The following EPB41L2 variants were observed in gnomAD, a reference collection of about 807,000 sequenced individuals.
EPB41L2 encodes the protein erythrocyte membrane protein band 4.1 like 2, also known as band 4.1-like protein 2.
Under a neutral mutation model 113.0 loss-of-function variants are expected in EPB41L2, and 43 were observed. That is an observed-to-expected ratio of 0.38 (90% CI 0.30 to 0.49). The LOEUF is 0.49. Ranked by LOEUF, EPB41L2 falls within the 20% of genes least tolerant of loss-of-function variation. The pLI is 0.95. For synonymous variants in EPB41L2, 442 were observed against 436.7 expected, an observed-to-expected ratio of 1.01 and a Z score of -0.15; for missense variants, 1,147 against 1,223.4, an observed-to-expected ratio of 0.94 and a Z score of 0.93.
intron 1 of EPB41L2, among the ~76,000 whole-genome samples, chr6:131,012,654 GA>G (rs1250704620): frequency 1.3e-5 from 2 of 150,868 alleles, no homozygotes; most frequent in African/African-American, 4.9e-5. Flanking sequence ...ATAGAAGAGG[GA>G]AAAAAAATGA....
Position 130,956,453 on chromosome 6 carries a change from C to T in EPB41L2, c.33G>A (p.Val11=), listed in dbSNP as rs1817463265. The change falls in exon 2 of 20, where the codon GTG becomes GTA. Residue 11 remains valine, a synonymous_variant. Coordinates refer to ENST00000337057, the MANE Select transcript of EPB41L2 (RefSeq NM_001431.4). MTTEVGSVSE[V]KKDSSQLGTD... is the part of the protein sequence containing the mutation. The stretch of plus-strand genomic sequence containing the variant: ...TTCCTAACTGGCTAGAGTCCTTCTT[C>T]ACTTCAGACACAGAGCCTACTTCAG... 3.7e-6 allele frequency: 6 copies of T among 1,613,838 alleles called. No homozygotes were observed. The East Asian group carries it at 1.3e-4, about 36-fold the overall frequency.
chr6:130,850,252 C>CA (rs572787415), intron 19 of EPB41L2, among the ~76,000 whole-genome samples: 151 of 152,122 alleles, frequency 9.9e-4, no homozygotes, highest in African/African-American at 3.3e-3. Context: ...AAAACAAAGA[C>CA]AAAAAACAAC....
At chr6:131,054,670 A>G (rs908269731) in intron 1 of EPB41L2, among the ~76,000 whole-genome samples, 1 of 152,202 alleles carries the variant, frequency 6.6e-6, no homozygotes, top group Non-Finnish European at 1.5e-5. Context: ...AACAGTTACT[A>G]CTGTTACTAC....
At chr6:131,053,514 C>G (rs1797036781) in intron 1 of EPB41L2, among the ~76,000 whole-genome samples, 1 of 150,180 alleles carries the variant, frequency 6.7e-6, no homozygotes, top group African/African-American at 2.5e-5. Flanking sequence ...TTCTAGTCAG[C>G]AAAGGCAGCC....
chr6:130,897,884 A>T (rs1795120451), intron 8 of EPB41L2, among the ~76,000 whole-genome samples: 1 of 152,136 alleles, frequency 6.6e-6, no homozygotes, highest in African/African-American at 2.4e-5. Flanking sequence ...TTCAAACTTT[A>T]AATGAGATGG....
chr6:130,960,639 T>C (rs1011008565), intron 1 of EPB41L2, among the ~76,000 whole-genome samples: 2 of 152,182 alleles, frequency 1.3e-5, no homozygotes, highest in African/African-American at 4.8e-5. Context: ...ACTCAACATA[T>C]TCTTGAAACA....
At chr6:130,854,198 T>C (rs1301377806) in intron 19 of EPB41L2, among the ~76,000 whole-genome samples, 3 of 152,186 alleles carry the variant, frequency 2.0e-5, no homozygotes, top group Non-Finnish European at 2.9e-5. Flanking sequence ...ATTTTGTTCA[T>C]TTGTTAATAT....
chr6:130,988,250 T>G (rs923486080), intron 1 of EPB41L2, among the ~76,000 whole-genome samples: 1 of 152,034 alleles, frequency 6.6e-6, no homozygotes, highest in Non-Finnish European at 1.5e-5. Context: ...GAAGAATAAC[T>G]AAAAAATAAT....
intron 4 of EPB41L2, among the ~76,000 whole-genome samples, chr6:130,918,614 A>T (rs1180438390): frequency 6.6e-6 from 1 of 152,156 alleles, no homozygotes; most frequent in Non-Finnish European, 1.5e-5. Context: ...TTTCATACCT[A>T]GAATGAACTA....
At chr6:131,011,338 G>A (rs1246487815) in intron 1 of EPB41L2, among the ~76,000 whole-genome samples, 2 of 152,202 alleles carry the variant, frequency 1.3e-5, no homozygotes, top group African/African-American at 4.8e-5. Context: ...ACCACTACAA[G>A]TTGCTCTTTT....
intron 1 of EPB41L2, among the ~76,000 whole-genome samples, chr6:131,007,272 C>A (rs895027598): frequency 8.5e-5 from 13 of 152,134 alleles, no homozygotes; most frequent in African/African-American, 2.7e-4. Context: ...AAGGGGCTTC[C>A]CCCTTCGCTC....
intron 1 of EPB41L2, among the ~76,000 whole-genome samples, chr6:131,030,112 G>A (rs1329891595): frequency 6.6e-6 from 1 of 152,116 alleles, no homozygotes; most frequent in African/African-American, 2.4e-5. Flanking sequence ...GCAACCCTAA[G>A]AGAAACCAGA....
In EPB41L2 at chr6:131,055,668, T is replaced by C. The variant is rs148614360; in HGVS notation, c.-15+7487A>G. 6.7e-3 allele frequency among the ~76,000 whole-genome samples: 1,019 copies of C among 152,286 alleles called. 20 individuals carry two copies. Among genetic ancestry groups the C allele is most frequent in the African/African-American group, 0.024 (984 of 41,552 alleles). On this transcript the variant is annotated intron_variant, in intron 1 of 19. Transcript: ENST00000337057. ...ACAGAAAAAACAAGGGTTTTAGCCATACACAAGCTGGGTGCCCTTGAGCCA... is the reference window on the plus strand; with the variant it reads ...ACAGAAAAAACAAGGGTTTTAGCCACACACAAGCTGGGTGCCCTTGAGCCA...
At chr6:130,929,508 T>C (rs1423763764) in intron 3 of EPB41L2, among the ~76,000 whole-genome samples, 3 of 152,142 alleles carry the variant, frequency 2.0e-5, no homozygotes, top group Non-Finnish European at 2.9e-5. Context: ...CTCAGATGAC[T>C]GTGAGGACTT....
At chr6:130,897,122 C>G (rs559000559) in intron 8 of EPB41L2, among the ~76,000 whole-genome samples, 1 of 152,046 alleles carries the variant, frequency 6.6e-6, no homozygotes, top group Non-Finnish European at 1.5e-5. Flanking sequence ...CCACGGGTGT[C>G]CCGCTTCTCT....
At chr6:130,970,108 C>G (rs539537885) in intron 1 of EPB41L2, among the ~76,000 whole-genome samples, 2 of 152,248 alleles carry the variant, frequency 1.3e-5, no homozygotes, top group South Asian at 4.1e-4. Flanking sequence ...AAACAGTGTA[C>G]GTACCCAGAT....
At chr6:131,050,329 ACT>A (rs1409599260) in intron 1 of EPB41L2, among the ~76,000 whole-genome samples, 1 of 151,980 alleles carries the variant, frequency 6.6e-6, no homozygotes, top group African/African-American at 2.4e-5. Flanking sequence ...ACAGAGCGAG[ACT>A]CTGTCTCCAA....
intron 15 of EPB41L2, 29 bp from the exon 16 acceptor site, chr6:130,867,610 A>G: frequency 6.2e-7 from 1 of 1,613,046 alleles, no homozygotes; most frequent in Non-Finnish European, 8.5e-7. Flanking sequence ...GGAAAAATAA[A>G]TTCTAGAGGT....
At chr6:130,928,380 G>A (rs1241055415) in intron 3 of EPB41L2, among the ~76,000 whole-genome samples, 1 of 152,230 alleles carries the variant, frequency 6.6e-6, no homozygotes, top group Non-Finnish European at 1.5e-5. Context: ...CTGCTCATCT[G>A]TGAAATGGGG....
Sources: gnomAD v4.1 joint callset for allele counts (sites outside exome capture counted in the v4.1 genomes callset) on GRCh38, gnomAD v4.1.1 for gene constraint, MANE v1.5 for transcripts, NCBI Gene and HGNC (gene_info 2026-07-23, HGNC 2026-07-21) for gene names.